PCGF5: variants seen among roughly 807,000 people sequenced by gnomAD.
The protein encoded by PCGF5 is polycomb group ring finger 5.
A neutral mutation model predicts 44.3 loss-of-function variants in PCGF5; 9 were observed. The ratio of observed to expected loss-of-function variants is 0.20; its 90% CI spans 0.12 to 0.35. The LOEUF (loss-of-function observed/expected upper bound fraction) is 0.35. Among genes scored for constraint, PCGF5 ranks in the 10% least tolerant of loss-of-function variants. The pLI is 1.00. For missense variants in PCGF5, 146 were observed against 305.3 expected (o/e 0.48, Z 3.89); for synonymous variants, 95 against 102.5 (o/e 0.93, Z 0.44).
chr10:91,161,751 C>T (rs1245896609), upstream of PCGF5, among the ~76,000 whole-genome samples: 1 of 152,148 alleles, frequency 6.6e-6, no homozygotes, highest in Non-Finnish European at 1.5e-5. Context: ...ATGAGGTTTG[C>T]GGACCTATCA....
chr10:91,180,262 T>C (rs1843795091), intron 1 of PCGF5, among the ~76,000 whole-genome samples: 2 of 152,118 alleles, frequency 1.3e-5, no homozygotes, highest in African/African-American at 2.4e-5. Context: ...GTCAGATGCA[T>C]AGGTTGCAAA....
At chr10:91,184,427 T>C (rs1273861055) in intron 1 of PCGF5, among the ~76,000 whole-genome samples, 1 of 152,242 alleles carries the variant, frequency 6.6e-6, no homozygotes, top group Non-Finnish European at 1.5e-5. Flanking sequence ...CAGTACTCTC[T>C]ACTGGCTGTT....
intron 9 of PCGF5, among the ~76,000 whole-genome samples, chr10:91,272,150 T>C (rs1188552290): frequency 2.0e-5 from 3 of 152,246 alleles, no homozygotes; most frequent in Non-Finnish European, 4.4e-5. Context: ...TTACTTGAGT[T>C]ACCTCTTTAA....
chr10:91,159,862 T>C (rs1365902719), upstream of PCGF5, among the ~76,000 whole-genome samples: 4 of 152,248 alleles, frequency 2.6e-5, no homozygotes, highest in Non-Finnish European at 5.9e-5. Context: ...TTAATCATTA[T>C]GATATCCCAG....
intron 1 of PCGF5, among the ~76,000 whole-genome samples, chr10:91,221,302 C>T (rs981093735): frequency 3.3e-5 from 5 of 152,182 alleles, no homozygotes; most frequent in African/African-American, 1.2e-4. Flanking sequence ...CGTGCATTTC[C>T]TCTTCCAGAG....
At chr10:91,189,468 T>G (rs921503922) in intron 1 of PCGF5, among the ~76,000 whole-genome samples, 3 of 151,664 alleles carry the variant, frequency 2.0e-5, no homozygotes, top group African/African-American at 7.3e-5. Flanking sequence ...CTGTAAATTA[T>G]TGAGAATCTA....
intron 1 of PCGF5, among the ~76,000 whole-genome samples, chr10:91,196,143 GT>G (rs1844130148): frequency 1.3e-5 from 2 of 152,036 alleles, no homozygotes; most frequent in South Asian, 4.2e-4. Flanking sequence ...ATTTCACATG[GT>G]GGCAGAGAAG....
rs1353966355 is a variant in PCGF5, at chr10:91,195,491, G to T, written c.-183-27198G>T. On this transcript the variant is annotated intron_variant, in intron 1 of 9. Coordinates refer to the PCGF5 transcript ENST00000614189. ...GCATGCATATATATATATATAGAGA[G>T]AGAGAGAGAGAGAGAGACGCAGGGT... Among the ~76,000 whole-genome samples, 597 of 148,360 alleles carry T rather than the reference G, an allele frequency of 4.0e-3. 4 individuals carry two copies. Among genetic ancestry groups the T allele is most frequent in the African/African-American group, 0.013 (527 of 39,274 alleles).
intron 1 of PCGF5, among the ~76,000 whole-genome samples, chr10:91,206,673 G>A (rs1844352547): frequency 6.6e-6 from 1 of 152,188 alleles, no homozygotes; most frequent in Non-Finnish European, 1.5e-5. Flanking sequence ...AAAGGGTGAA[G>A]TCTCAGTAAC....
upstream of PCGF5, among the ~76,000 whole-genome samples, chr10:91,218,881 G>T (rs541947253): frequency 2.2e-4 from 33 of 152,260 alleles, no homozygotes; most frequent in South Asian, 6.8e-3. Context: ...GCCCACCTCG[G>T]CCTCCAGAAG....
intron 8 of PCGF5, among the ~76,000 whole-genome samples, chr10:91,268,909 G>GTAA: frequency 6.6e-6 from 1 of 151,954 alleles, no homozygotes; most frequent in African/African-American, 2.4e-5. Flanking sequence ...GACTTAGCTC[G>GTAA]TAAAATTTTT....
intron 1 of PCGF5, among the ~76,000 whole-genome samples, chr10:91,186,243 G>A (rs7902517): frequency 0.19 from 28,628 of 152,126 alleles, 3,219 homozygotes; most frequent in East Asian, 0.49. Context: ...ATTTTGCCCC[G>A]ACTCTCACAG....
At position 91,260,219 on chromosome 10, in the gene PCGF5, G is replaced by A. The variant is rs1282563114; in HGVS notation, c.475-1107G>A. Among the ~76,000 whole-genome samples, 20 of 152,160 alleles carry A rather than the reference G, an allele frequency of 1.3e-4. No individual in the cohort carries two copies. In the East Asian group the frequency reaches 2.1e-3, roughly 16 times the overall value. On this transcript the variant is annotated intron_variant, in intron 6 of 9. Coordinates refer to ENST00000336126, the MANE Select transcript of PCGF5 (RefSeq NM_032373.5). ...ACAGACATGTGAAAAAATGCTCATC[G>A]TCACTGGCCATCAGAGAAATGCAAA...
At chr10:91,187,425 A>G (rs1472494964) in intron 1 of PCGF5, among the ~76,000 whole-genome samples, 1 of 152,118 alleles carries the variant, frequency 6.6e-6, no homozygotes, top group Non-Finnish European at 1.5e-5. Flanking sequence ...TACAGTCCAT[A>G]GAGAAGGGAT....
At chr10:91,169,145 G>A (rs1321831263) in intron 1 of PCGF5, among the ~76,000 whole-genome samples, 16 of 151,804 alleles carry the variant, frequency 1.1e-4, no homozygotes, top group Admixed American at 1.0e-3. Context: ...GTTTATTTAC[G>A]GTATAATATC....
At chr10:91,227,293 A>T in intron 2 of PCGF5, 1 of 570,908 alleles carries the variant, frequency 1.8e-6, no homozygotes, top group Non-Finnish European at 3.0e-6. Context: ...ACCTGTGCTG[A>T]GGCCTCTCAA....
intron 1 of PCGF5, among the ~76,000 whole-genome samples, chr10:91,208,832 T>A (rs1311929776): frequency 6.6e-6 from 1 of 152,214 alleles, no homozygotes; most frequent in African/African-American, 2.4e-5. Flanking sequence ...CCTTCAGTGT[T>A]GGATGTGTCT....
intron 2 of PCGF5, among the ~76,000 whole-genome samples, chr10:91,238,411 T>C (rs1184692372): frequency 6.6e-6 from 1 of 152,172 alleles, no homozygotes; most frequent in African/African-American, 2.4e-5. Flanking sequence ...ACCCTTAGCC[T>C]TTTGGCTGAT....
At chr10:91,194,715 A>G (rs1336816751) in intron 1 of PCGF5, among the ~76,000 whole-genome samples, 1 of 152,228 alleles carries the variant, frequency 6.6e-6, no homozygotes, top group Non-Finnish European at 1.5e-5. Context: ...TTAAAGCCAC[A>G]GACTGAATGA....
Sources: gnomAD v4.1 joint callset for allele counts (sites outside exome capture counted in the v4.1 genomes callset) on GRCh38, gnomAD v4.1.1 for gene constraint, MANE v1.5 for transcripts, NCBI Gene and HGNC (gene_info 2026-07-23, HGNC 2026-07-21) for gene names.